Variants in SUFU observed in about 807,000 individuals in gnomAD.
The protein encoded by SUFU is SUFU negative regulator of hedgehog signaling.
Under a neutral mutation model 58.9 loss-of-function variants are expected in SUFU, and 7 were observed. The observed-to-expected ratio is 0.12, with a 90% CI of 0.07 to 0.22. The LOEUF is 0.22. SUFU is among the 10% of genes least tolerant of loss of function. The pLI is 1.00. For synonymous variants in SUFU, 232 were observed against 254.8 expected (o/e 0.91, Z 0.85); for missense variants, 451 against 641.3 (o/e 0.70, Z 3.20).
chr10:102,514,708 C>G (rs10748823), intron 2 of SUFU, among the ~76,000 whole-genome samples: 53,285 of 152,018 alleles, frequency 0.35, 9,479 homozygotes, highest in African/African-American at 0.39. Context: ...TCATGGCCAG[C>G]TAGCTGTGGA....
At chr10:102,514,142 C>T (rs558028062) in intron 2 of SUFU, among the ~76,000 whole-genome samples, 1 of 152,208 alleles carries the variant, frequency 6.6e-6, no homozygotes, top group African/African-American at 2.4e-5. Context: ...CTGCCTTGGC[C>T]TCTCAAAGTG....
In SUFU at chr10:102,515,350, T is replaced by C. The variant is rs141665067; in HGVS notation, c.317+6047T>C. Among the ~76,000 whole-genome samples, 901 of 146,870 alleles carry C rather than the reference T, an allele frequency of 6.1e-3. 7 individuals are homozygous for C. Among genetic ancestry groups the C allele is most frequent in the African/African-American group, 0.021 (833 of 39,766 alleles). ...TTTTTTTTTTGAGACGGAGTCTTGC[T>C]CTGTCACCCAGGCTGGAGTGCAATG... On this transcript the variant is annotated intron_variant, in intron 2 of 11. Transcript: ENST00000369902.
chr10:102,522,179 T>C (rs984453687), intron 2 of SUFU, among the ~76,000 whole-genome samples: 2 of 152,222 alleles, frequency 1.3e-5, no homozygotes, highest in African/African-American at 4.8e-5. Flanking sequence ...GGAAGATAGC[T>C]CTTACCCACT....
At chr10:102,570,114 C>T (rs1029926379) in intron 3 of SUFU, among the ~76,000 whole-genome samples, 4 of 152,096 alleles carry the variant, frequency 2.6e-5, no homozygotes, top group African/African-American at 9.7e-5. Context: ...GTAAACTCAC[C>T]ATCCCTGAAG....
chr10:102,564,619 C>T (rs1309322274), intron 3 of SUFU, among the ~76,000 whole-genome samples: 3 of 152,194 alleles, frequency 2.0e-5, no homozygotes, highest in Non-Finnish European at 2.9e-5. Flanking sequence ...AAGCATGAGC[C>T]GTCGCACCCA....
chr10:102,503,830 C>T (rs1316772269), upstream of SUFU, among the ~76,000 whole-genome samples: 2 of 152,192 alleles, frequency 1.3e-5, no homozygotes, highest in African/African-American at 4.8e-5. Flanking sequence ...ACTCCCAACA[C>T]AGGGAGGGGA....
chr10:102,612,854 G>C (rs2135923611), intron 8 of SUFU, among the ~76,000 whole-genome samples: 1 of 152,318 alleles, frequency 6.6e-6, no homozygotes, highest in South Asian at 2.1e-4. Flanking sequence ...AAGAAGGCTT[G>C]ACAACAGAGC....
chr10:102,572,113 T>A (rs942700930), intron 3 of SUFU, among the ~76,000 whole-genome samples: 10 of 152,188 alleles, frequency 6.6e-5, no homozygotes, highest in Admixed American at 2.6e-4. Context: ...TTGCCCAGGC[T>A]GGAGTGCAAT....
At chr10:102,505,569 T>TC (rs2062314800) in intron 1 of SUFU, among the ~76,000 whole-genome samples, 1 of 152,128 alleles carries the variant, frequency 6.6e-6, no homozygotes. Context: ...ACCTGTTGCT[T>TC]CCCCTGGACA....
intron 2 of SUFU, among the ~76,000 whole-genome samples, chr10:102,541,056 T>C (rs1027279964): frequency 1.4e-4 from 21 of 152,028 alleles, no homozygotes; most frequent in African/African-American, 5.1e-4. Context: ...TATCTTTTCT[T>C]CCCCCTTTCA....
chr10:102,612,905 T>C (rs1225278225), intron 8 of SUFU, among the ~76,000 whole-genome samples: 1 of 152,162 alleles, frequency 6.6e-6, no homozygotes, highest in Non-Finnish European at 1.5e-5. Context: ...AGTGAACCTA[T>C]GGCCTTAGCA....
chr10:102,512,866 C>T (rs1337269867), intron 2 of SUFU, among the ~76,000 whole-genome samples: 2 of 152,058 alleles, frequency 1.3e-5, no homozygotes, highest in East Asian at 1.9e-4. Context: ...GAGTTTGACA[C>T]CAGCCTGGGG....
At chr10:102,507,960 C>A (rs1252072760) in intron 1 of SUFU, among the ~76,000 whole-genome samples, 2 of 130,766 alleles carry the variant, frequency 1.5e-5, no homozygotes, top group South Asian at 2.3e-4. Context: ...ATTTCTTATC[C>A]ATTTTTTTTT....
intron 10 of SUFU, chr10:102,618,948 G>A: frequency 1.4e-6 from 1 of 708,864 alleles, no homozygotes; most frequent in Non-Finnish European, 2.5e-6. Flanking sequence ...GTGTGTGTGT[G>A]TGTGTGTGTG....
Position 102,504,104 on chromosome 10 carries a change from C to G in SUFU, c.-49C>G. 1 of 1,516,284 alleles carries G rather than the reference C, an allele frequency of 6.6e-7. No homozygotes were observed. The allele number at this position is 1,516,284 out of a possible 1,614,324, so 93.9% of individuals were successfully genotyped here. A position where few individuals can be genotyped will look rare whatever the true frequency, so the allele number is the denominator to read the frequency against. On this transcript the variant is annotated 5_prime_UTR_variant, in exon 1 of 12. Coordinates refer to ENST00000369902, the MANE Select transcript of SUFU (RefSeq NM_016169.4). ...GCCCGCTGGCCCGTCAGTGCTCTCC[C>G]CGTCGTTTGCCCTCTCCAGTTCCCC...
Position 102,628,842 on chromosome 10 carries a change from C to T in SUFU, c.1366-1224C>T, listed in dbSNP as rs1225132031. Among the ~76,000 whole-genome samples the T allele has an allele frequency of 1.3e-5, 2 of 152,032 alleles. No individual in the cohort carries two copies. Among genetic ancestry groups the T allele is most frequent in the Non-Finnish European group, 2.9e-5 (2 of 68,016 alleles). On this transcript the variant is annotated intron_variant, in intron 11 of 11. Transcript: ENST00000369902. The surrounding 1 kb of genome is among the most constrained non-coding windows in gnomAD (Gnocchi z 4.5). ...CTCCTTTCCACCCTGCCCTGACTTC[C>T]GGCCTAGCCAAATTAGAAAAGACAG...
intron 3 of SUFU, among the ~76,000 whole-genome samples, chr10:102,564,600 T>G (rs1459962384): frequency 1.3e-5 from 2 of 152,336 alleles, no homozygotes; most frequent in African/African-American, 4.8e-5. Context: ...CCCAAAGTAC[T>G]GGGGTTACAA....
chr10:102,587,694 A>G (rs1011675062), intron 3 of SUFU, among the ~76,000 whole-genome samples: 1 of 152,058 alleles, frequency 6.6e-6, no homozygotes, highest in African/African-American at 2.4e-5. Flanking sequence ...GGGTTTCACC[A>G]TGTTGGCCAG....
At chr10:102,572,732 T>G in intron 3 of SUFU, 6 of 728,200 alleles carry the variant, frequency 8.2e-6, no homozygotes, top group Non-Finnish European at 1.5e-5. Context: ...ATACATATAT[T>G]TAGAATTACC....
Sources: gnomAD v4.1 joint callset for allele counts (sites outside exome capture counted in the v4.1 genomes callset) on GRCh38, gnomAD v4.1.1 for gene constraint, Gnocchi (gnomAD v3.1) non-coding constraint, MANE v1.5 for transcripts, NCBI Gene and HGNC (gene_info 2026-07-23, HGNC 2026-07-21) for gene names.